The following NMBR variants were observed in gnomAD, a reference collection of about 807,000 sequenced individuals.
NMBR encodes neuromedin B receptor.
Under a neutral mutation model 20.5 loss-of-function variants are expected in NMBR, and 16 were observed. The ratio of observed to expected loss-of-function variants is 0.78; its 90% CI spans 0.53 to 1.19. The LOEUF (loss-of-function observed/expected upper bound fraction) is 1.19. Among genes scored for constraint, NMBR ranks in the 50% most tolerant of loss-of-function variants. The pLI, the probability that NMBR is intolerant of heterozygous loss-of-function variation, is 0.00. For synonymous variants in NMBR, 212 were observed against 196.6 expected (o/e 1.08, Z -0.65); for missense variants, 582 against 499.1 (o/e 1.17, Z -1.58).
intron 1 of NMBR, among the ~76,000 whole-genome samples, chr6:142,099,996 T>C (rs551703361): frequency 6.6e-6 from 1 of 152,230 alleles, no homozygotes; most frequent in East Asian, 1.9e-4. Context: ...CAATTGCAAA[T>C]TAAGACAACA....
chr6:142,111,009 G>A (rs1252065522), intron 1 of NMBR, among the ~76,000 whole-genome samples: 1 of 152,098 alleles, frequency 6.6e-6, no homozygotes, highest in Non-Finnish European at 1.5e-5. Flanking sequence ...GGAGGCCAAG[G>A]CGCATGGATC....
At chr6:142,118,916 T>C (rs941652604) in intron 1 of NMBR, among the ~76,000 whole-genome samples, 7 of 152,016 alleles carry the variant, frequency 4.6e-5, no homozygotes, top group African/African-American at 1.2e-4. Context: ...GATTCTGAGA[T>C]AATAAGCTCT....
intron 2 of NMBR, among the ~76,000 whole-genome samples, chr6:142,081,753 G>A (rs2114558767): frequency 6.6e-6 from 1 of 152,264 alleles, no homozygotes; most frequent in Non-Finnish European, 1.5e-5. Flanking sequence ...ATAGACATGT[G>A]GGGAAAAGTA....
chr6:142,117,715 T>C (rs1311460120), intron 1 of NMBR, among the ~76,000 whole-genome samples: 1 of 151,944 alleles, frequency 6.6e-6, no homozygotes, highest in Non-Finnish European at 1.5e-5. Context: ...ATTAAAGGAA[T>C]GCTACATATT....
chr6:142,130,260 G>A (rs1284648649), intron 1 of NMBR, among the ~76,000 whole-genome samples: 4 of 151,586 alleles, frequency 2.6e-5, no homozygotes, highest in South Asian at 4.2e-4. Flanking sequence ...GAGTTTGCAG[G>A]AAAAACTTGG....
At chr6:142,091,304 C>A (rs1408458844) in intron 1 of NMBR, among the ~76,000 whole-genome samples, 1 of 152,082 alleles carries the variant, frequency 6.6e-6, no homozygotes, top group Non-Finnish European at 1.5e-5. Context: ...CTCACTATAG[C>A]CTCAACCTCC....
At chr6:142,132,591 C>A (rs559020531) in intron 1 of NMBR, among the ~76,000 whole-genome samples, 2 of 152,046 alleles carry the variant, frequency 1.3e-5, no homozygotes, top group African/African-American at 4.8e-5. Context: ...ACTATTATAT[C>A]CTGTGTTAAC....
At chr6:142,143,847 A>G (rs1387331842) in intron 1 of NMBR, among the ~76,000 whole-genome samples, 1 of 152,066 alleles carries the variant, frequency 6.6e-6, no homozygotes, top group Non-Finnish European at 1.5e-5. Flanking sequence ...TTAAAGGTAC[A>G]ATAATCAAAA....
At chr6:142,128,812 C>T (rs1778086535) in intron 1 of NMBR, among the ~76,000 whole-genome samples, 1 of 151,286 alleles carries the variant, frequency 6.6e-6, no homozygotes, top group East Asian at 2.0e-4. Context: ...TGGGATGTTG[C>T]CCTGTAGTTT....
chr6:142,122,858 A>G (rs1240402652), intron 1 of NMBR, among the ~76,000 whole-genome samples: 1 of 151,900 alleles, frequency 6.6e-6, no homozygotes, highest in East Asian at 1.9e-4. Context: ...TCAAAATATT[A>G]TTGCTCATTG....
At chr6:142,128,524 T>C (rs148929149) in intron 1 of NMBR, among the ~76,000 whole-genome samples, 68 of 152,174 alleles carry the variant, frequency 4.5e-4, no homozygotes, top group African/African-American at 1.6e-3. Flanking sequence ...TGGCCTTTAT[T>C]ATGTTGAGGT....
chr6:142,141,862 G>A (rs1333519691), intron 1 of NMBR, among the ~76,000 whole-genome samples: 3 of 152,002 alleles, frequency 2.0e-5, no homozygotes, highest in Non-Finnish European at 2.9e-5. Flanking sequence ...ATAAAAATAC[G>A]AGTACAAAAC....
At chr6:142,087,630 GAA>G (rs946838022) in intron 2 of NMBR, among the ~76,000 whole-genome samples, 1 of 150,504 alleles carries the variant, frequency 6.6e-6, no homozygotes, top group African/African-American at 2.4e-5. Context: ...CCTATCTGTG[GAA>G]AAAAAAAGTC....
chr6:142,098,085 T>C (rs940288179), intron 1 of NMBR, among the ~76,000 whole-genome samples: 5 of 151,932 alleles, frequency 3.3e-5, no homozygotes, highest in Non-Finnish European at 7.4e-5. Flanking sequence ...CAGTTGGATC[T>C]CCAAAGGACA....
At chr6:142,146,437 A>C (rs225623) in intron 1 of NMBR, among the ~76,000 whole-genome samples, 3 of 151,920 alleles carry the variant, frequency 2.0e-5, no homozygotes, top group African/African-American at 7.3e-5. Flanking sequence ...GATATAAGTA[A>C]GGGATGGAGA....
At chr6:142,111,866 C>CT (rs1777769320) in intron 1 of NMBR, among the ~76,000 whole-genome samples, 1 of 152,182 alleles carries the variant, frequency 6.6e-6, no homozygotes, top group African/African-American at 2.4e-5. Context: ...CATCAGGGCA[C>CT]TCCCCAACCC....
At chr6:142,102,914 T>A (rs9496274) in intron 1 of NMBR, among the ~76,000 whole-genome samples, 18,084 of 152,228 alleles carry the variant, frequency 0.12, 1,322 homozygotes, top group African/African-American at 0.19. Flanking sequence ...AATGGAAAGA[T>A]AAGAGTCTCA....
chr6:142,124,445 T>C (rs1310604010), intron 1 of NMBR, among the ~76,000 whole-genome samples: 2 of 151,890 alleles, frequency 1.3e-5, no homozygotes, highest in Non-Finnish European at 2.9e-5. Flanking sequence ...GGTCACAACT[T>C]ATCTAGTAGA....
chr6:142,102,259 G>T (rs567511151), intron 1 of NMBR, among the ~76,000 whole-genome samples: 1 of 151,802 alleles, frequency 6.6e-6, no homozygotes, highest in Non-Finnish European at 1.5e-5. Flanking sequence ...GCATGGTGGC[G>T]GGCACCTGTA....
Sources: allele counts gnomAD v4.1 joint callset (sites outside exome capture counted in the v4.1 genomes callset), GRCh38; gene constraint gnomAD v4.1.1; transcripts MANE v1.5; gene names NCBI Gene and HGNC (gene_info 2026-07-23, HGNC 2026-07-21).